The following MS4A4E variants were observed in gnomAD, a reference collection of about 807,000 sequenced individuals.
The protein encoded by MS4A4E is putative membrane-spanning 4-domains subfamily A member 4E.
MS4A4E carries 23 observed loss-of-function variants against 13.3 expected under a neutral mutation model. That is an observed-to-expected ratio of 1.73 (90% CI 1.25 to 2.45). The LOEUF is 2.45. Among genes scored for constraint, MS4A4E ranks in the 30% most tolerant of loss-of-function variants. The pLI is 0.00. For synonymous variants in MS4A4E, 36 were observed against 45.6 expected (o/e 0.79, Z 0.85); for missense variants, 144 against 131.2 (o/e 1.10, Z -0.48).
intron 3 of MS4A4E, chr11:60,224,878 G>A: frequency 2.6e-6 from 3 of 1,155,814 alleles, no homozygotes; most frequent in Non-Finnish European, 3.4e-6. Context: ...AGAATTACAA[G>A]ATAGAATTAG....
intron 1 of MS4A4E, among the ~76,000 whole-genome samples, chr11:60,233,173 T>A (rs2084434739): frequency 6.6e-6 from 1 of 152,192 alleles, no homozygotes; most frequent in African/African-American, 2.4e-5. Context: ...GAGGCCTTGC[T>A]GCTGCTACAT....
chr11:60,211,450 A>T (rs1050036952), intron 5 of MS4A4E, among the ~76,000 whole-genome samples: 1 of 152,208 alleles, frequency 6.6e-6, no homozygotes, highest in African/African-American at 2.4e-5. Context: ...AACAGAATGC[A>T]GTTGATTCTG....
intron 5 of MS4A4E, among the ~76,000 whole-genome samples, chr11:60,211,795 T>G (rs986090638): frequency 6.6e-6 from 1 of 152,054 alleles, no homozygotes; most frequent in Non-Finnish European, 1.5e-5. Flanking sequence ...TGCCTGTAAT[T>G]CCAGCTACTT....
intron 4 of MS4A4E, 171 bp from the exon 5 acceptor site, chr11:60,213,303 A>T: frequency 6.5e-7 from 1 of 1,535,336 alleles, no homozygotes; most frequent in African/African-American, 1.4e-5. Context: ...TGATCCCATT[A>T]TTCTCCAGCT....
At chr11:60,220,190 C>A (rs1166140544) in intron 3 of MS4A4E, among the ~76,000 whole-genome samples, 1 of 152,194 alleles carries the variant, frequency 6.6e-6, no homozygotes, top group Non-Finnish European at 1.5e-5. Context: ...CCCACCACAT[C>A]CCCATTCAAC....
intron 8 of MS4A4E, among the ~76,000 whole-genome samples, chr11:60,203,488 C>T (rs192191342): frequency 6.6e-6 from 1 of 152,278 alleles, no homozygotes; most frequent in Admixed American, 6.5e-5. Flanking sequence ...GTGGCTCAAA[C>T]CTGTACTCCC....
At chr11:60,234,371 C>T (rs1186746962) in intron 1 of MS4A4E, among the ~76,000 whole-genome samples, 1 of 152,104 alleles carries the variant, frequency 6.6e-6, no homozygotes, top group African/African-American at 2.4e-5. Context: ...ACTGTCCCCT[C>T]TAAAACTCAT....
Position 60,213,013 on chromosome 11 carries a change from C to A in MS4A4E, c.342G>T (p.Gln114His), listed in dbSNP as rs920656506. ...TAGTCATGTAACAATTACTTGACAA[C>A]TGATCGTGGTTACAGTAATGGTAAC... ...SFRYHYCNHDQLSSNCYMTMS... is the reference protein window; with the variant it reads ...SFRYHYCNHDHLSSNCYMTMS... The change falls in exon 5 of 9, where the codon CAG becomes CAT. Residue 114 changes from glutamine (Q) to histidine (H), a missense_variant. Gln to His is a conservative substitution (Grantham distance 24, BLOSUM62 0). Around this residue, in one of 3 missense-constraint regions of MS4A4E, gnomAD observed 119 missense variants for 88.7 expected, o/e 1.34. Transcript: ENST00000651255. The A allele has an allele frequency of 2.6e-6, 1 of 383,810 alleles. No individual in the cohort carries two copies. The highest frequency in any genetic ancestry group is 7.2e-5 in the South Asian group (1 of 13,898). The allele number at this position is 383,810 out of a possible 1,614,324, so 23.8% of individuals were successfully genotyped here.
In MS4A4E at chr11:60,234,882, TA is replaced by T. The variant is rs5792177; in HGVS notation, c.-16-4812del. Among the ~76,000 whole-genome samples, 838 of 145,324 alleles carry T rather than the reference TA, an allele frequency of 5.8e-3. 5 individuals carry two copies. The highest frequency in any genetic ancestry group is 8.7e-3 in the African/African-American group (339 of 39,134). ...TCTTCAATCACAGAGTGGCTGAATT[TA>T]AAAAAAAAAACAGATCTATATGCTA... On this transcript the variant is annotated intron_variant, in intron 1 of 8. Transcript: ENST00000651255.
At chr11:60,206,747 C>G (rs775068940) in intron 6 of MS4A4E, 2 of 232,998 alleles carry the variant, frequency 8.6e-6, no homozygotes, top group Non-Finnish European at 9.9e-6. Flanking sequence ...TTAGCACAAA[C>G]AATCAGAATG....
rs1191503453 is a variant in MS4A4E, at chr11:60,213,248, T to G, written c.223-116A>C. ...TATTTCAATAGTCTTCTAACTTGTC[T>G]CCTTATAGTGGTTTCAACTCTGATC... On this transcript the variant is annotated intron_variant, in intron 4 of 8. Coordinates refer to ENST00000651255, the MANE Select transcript of MS4A4E (RefSeq NM_001393391.1). The G allele has an allele frequency of 2.0e-6, 3 of 1,524,112 alleles. No homozygotes were observed. In the Admixed American group the frequency reaches 5.9e-5, roughly 30 times the overall value. 94.4% of individuals were successfully genotyped at this position (1,524,112 alleles called of 1,614,324 possible). A position where few individuals can be genotyped will look rare whatever the true frequency, so the allele number is the denominator to read the frequency against.
At chr11:60,212,844 A>G (rs1389565055) in intron 5 of MS4A4E, among the ~76,000 whole-genome samples, 130 bp downstream of exon 5, 1 of 152,194 alleles carries the variant, frequency 6.6e-6, no homozygotes, top group Non-Finnish European at 1.5e-5. Context: ...AGATTATTCT[A>G]TTTCTCAATC....
At chr11:60,220,809 A>G (rs2084260825) in intron 3 of MS4A4E, among the ~76,000 whole-genome samples, 1 of 152,142 alleles carries the variant, frequency 6.6e-6, no homozygotes, top group Non-Finnish European at 1.5e-5. Context: ...CACAATGCCT[A>G]GTGGGCTTAT....
At chr11:60,224,946 C>CA (rs941450984) in intron 3 of MS4A4E, 6 of 1,487,324 alleles carry the variant, frequency 4.0e-6, no homozygotes, top group Non-Finnish European at 5.4e-6. Flanking sequence ...CCAATTATAT[C>CA]AAAAAATACC....
At chr11:60,237,303 A>G (rs904994938) in intron 1 of MS4A4E, among the ~76,000 whole-genome samples, 8 of 152,112 alleles carry the variant, frequency 5.3e-5, no homozygotes, top group African/African-American at 1.9e-4. Flanking sequence ...GCTGCATAGC[A>G]TTTCATGGTG....
chr11:60,242,993 A>G lies in MS4A4E; in HGVS notation c.-52T>C. The G allele has an allele frequency of 6.3e-7, 1 of 1,581,964 alleles. No homozygotes were observed. The highest frequency in any genetic ancestry group is 2.3e-5 in the East Asian group (1 of 44,042). ...GCCTGCAATGTCTGCTGCAGGTCTG[A>G]TGAGTGCAGGGCTCTGGGCAAGTTC... is the stretch of plus-strand genomic sequence containing the variant. On this transcript the variant is annotated 5_prime_UTR_variant, in exon 1 of 9. Transcript: ENST00000651255.
intron 1 of MS4A4E, among the ~76,000 whole-genome samples, chr11:60,234,628 A>G (rs2084456763): frequency 6.6e-6 from 1 of 152,162 alleles, no homozygotes; most frequent in South Asian, 2.1e-4. Flanking sequence ...ACATGCCCTT[A>G]GACTTCCCAG....
intron 3 of MS4A4E, 56 bp from the exon 4 acceptor site, chr11:60,214,670 AG>A: frequency 8.4e-7 from 1 of 1,186,618 alleles, no homozygotes; most frequent in Non-Finnish European, 1.2e-6. Context: ...GTTTTAAACA[AG>A]TATTGGAAAT....
chr11:60,220,404 C>T (rs1342638769), intron 3 of MS4A4E, among the ~76,000 whole-genome samples: 1 of 152,108 alleles, frequency 6.6e-6, no homozygotes, highest in Non-Finnish European at 1.5e-5. Flanking sequence ...TCTATAAGGC[C>T]CACCAGAAGC....
Sources: allele counts gnomAD v4.1 joint callset (sites outside exome capture counted in the v4.1 genomes callset), GRCh38; gene constraint gnomAD v4.1.1; regional missense constraint gnomAD v4.1.1; transcripts MANE v1.5; gene names NCBI Gene and HGNC (gene_info 2026-07-23, HGNC 2026-07-21).